The following PRKN variants were observed in gnomAD, a reference collection of about 807,000 sequenced individuals.
PRKN encodes the protein E3 ubiquitin-protein ligase parkin.
PRKN carries 56 observed loss-of-function variants against 59.5 expected under a neutral mutation model. The ratio of observed to expected loss-of-function variants is 0.94; its 90% CI spans 0.76 to 1.18. PRKN has a LOEUF of 1.18. Ranked by LOEUF, PRKN falls within the 50% of genes most tolerant of loss-of-function variation. PRKN has a pLI of 0.00. For missense variants in PRKN, 657 were observed against 596.4 expected, an observed-to-expected ratio of 1.10 and a Z score of -1.06; for synonymous variants, 250 against 222.1, an observed-to-expected ratio of 1.13 and a Z score of -1.12.
Position 162,338,274 on chromosome 6 carries a change from C to T in PRKN, c.172-75509G>A, listed in dbSNP as rs184521364. On this transcript the variant is annotated intron_variant, in intron 2 of 11. Transcript: ENST00000366898. ...CTCCCTCTCCCTCTCCCTCTCCCTACGGTCTCCCTCTCTTTCCACGGTCTC... is the reference window on the plus strand; with the variant it reads ...CTCCCTCTCCCTCTCCCTCTCCCTATGGTCTCCCTCTCTTTCCACGGTCTC... 2.8e-3 allele frequency among the ~76,000 whole-genome samples: 426 copies of T among 151,636 alleles called. 4 individuals carry two copies. Among genetic ancestry groups the T allele is most frequent in the African/African-American group, 9.8e-3 (400 of 40,986 alleles).
rs112143355 is a variant in PRKN at position 162,468,053 on chromosome 6, T to C, written c.8-24580A>G. Among the ~76,000 whole-genome samples, 17 of 152,332 alleles carry C rather than the reference T, an allele frequency of 1.1e-4. 2 individuals are homozygous for C. The highest frequency in any genetic ancestry group is 3.6e-4 in the African/African-American group (15 of 41,584). On this transcript the variant is annotated intron_variant, in intron 1 of 11. Transcript: ENST00000366898. ...ACTCTCTCATCACCTTGTTTACTGC[T>C]ACCGTGGTTCTTATCACCACTTTGT...
chr6:162,261,122 T>C (rs539915548), intron 3 of PRKN, among the ~76,000 whole-genome samples: 2 of 152,182 alleles, frequency 1.3e-5, no homozygotes, highest in East Asian at 1.9e-4. Flanking sequence ...AGAGTAAGGT[T>C]TGTTAGGCAG....
intron 5 of PRKN, among the ~76,000 whole-genome samples, chr6:162,047,198 C>T (rs1037875361): frequency 1.3e-5 from 2 of 152,180 alleles, no homozygotes; most frequent in African/African-American, 4.8e-5. Context: ...TCTCTTCAGC[C>T]AAACACCAGG....
At chr6:162,133,094 C>A (rs186775717) in intron 4 of PRKN, among the ~76,000 whole-genome samples, 1 of 152,132 alleles carries the variant, frequency 6.6e-6, no homozygotes, top group African/African-American at 2.4e-5. Context: ...GATGGGCAGG[C>A]AGATGGTTTG....
chr6:162,691,495 T>C (rs1449868310), intron 1 of PRKN, among the ~76,000 whole-genome samples: 1 of 152,170 alleles, frequency 6.6e-6, no homozygotes, highest in Non-Finnish European at 1.5e-5. Flanking sequence ...TCAATATTTA[T>C]ATGTACCTCC....
At chr6:161,465,147 C>T (rs992785159) in intron 9 of PRKN, among the ~76,000 whole-genome samples, 12 of 152,184 alleles carry the variant, frequency 7.9e-5, no homozygotes, top group African/African-American at 2.2e-4. Context: ...TTCATACCGT[C>T]GAGACTGGCC....
chr6:161,589,056 G>T (rs988125369), intron 7 of PRKN, among the ~76,000 whole-genome samples: 11 of 152,198 alleles, frequency 7.2e-5, no homozygotes, highest in African/African-American at 2.7e-4. Context: ...CTTAAGGAAT[G>T]ACTAGAATGA....
At chr6:161,985,245 T>C (rs1781393532) in intron 5 of PRKN, among the ~76,000 whole-genome samples, 1 of 152,218 alleles carries the variant, frequency 6.6e-6, no homozygotes, top group African/African-American at 2.4e-5. Context: ...CTTTAGAAGC[T>C]AAAGGTTTCA....
At chr6:161,923,404 A>G (rs1272583313) in intron 6 of PRKN, among the ~76,000 whole-genome samples, 3 of 152,030 alleles carry the variant, frequency 2.0e-5, no homozygotes, top group Admixed American at 2.0e-4. Flanking sequence ...AATTGCTTGA[A>G]CCCGGGAGGT....
At chr6:161,693,648 C>T (rs1785897650) in intron 7 of PRKN, among the ~76,000 whole-genome samples, 1 of 152,158 alleles carries the variant, frequency 6.6e-6, no homozygotes, top group Non-Finnish European at 1.5e-5. Context: ...AAATTAACAA[C>T]CACATTATCA....
Position 162,528,104 on chromosome 6 carries a change from T to C in PRKN, c.8-84631A>G, listed in dbSNP as rs1465026710. 2.0e-5 allele frequency among the ~76,000 whole-genome samples: 3 copies of C among 150,780 alleles called. No homozygotes were observed. In the East Asian group the frequency reaches 5.8e-4, roughly 29 times the overall value. On this transcript the variant is annotated intron_variant, in intron 1 of 11. Transcript: ENST00000366898. ...GAGGGGTGCGGGGCGGCGGGTCACC[T>C]GAGGTCAGGACTTCAAGACCAGCCT...
At chr6:162,175,440 A>G (rs924109911) in intron 4 of PRKN, among the ~76,000 whole-genome samples, 2 of 152,246 alleles carry the variant, frequency 1.3e-5, no homozygotes, top group Non-Finnish European at 2.9e-5. Context: ...GCTATAGGAT[A>G]TAAGTATGCA....
Position 161,933,002 on chromosome 6 carries a change from G to A in PRKN, c.734+40300C>T, listed in dbSNP as rs938724625. Among the ~76,000 whole-genome samples, 25 of 152,274 alleles carry A rather than the reference G, an allele frequency of 1.6e-4. No homozygotes were observed. In the East Asian group the frequency reaches 2.1e-3, roughly 13 times the overall value. On this transcript the variant is annotated intron_variant, in intron 6 of 11. Transcript: ENST00000366898. ...ATGTTTTAAATCACTAAAACCAGCCGGGTGTGATGGCTCACGCCTGTAATC... is the reference window on the plus strand; with the variant it reads ...ATGTTTTAAATCACTAAAACCAGCCAGGTGTGATGGCTCACGCCTGTAATC...
intron 4 of PRKN, among the ~76,000 whole-genome samples, chr6:162,098,929 C>T (rs1779855385): frequency 6.6e-6 from 1 of 152,162 alleles, no homozygotes; most frequent in African/African-American, 2.4e-5. Context: ...GTCACTCTGC[C>T]ACCAGGACGA....
intron 1 of PRKN, among the ~76,000 whole-genome samples, chr6:162,549,731 T>C (rs1347273708): frequency 6.6e-6 from 1 of 151,104 alleles, no homozygotes; most frequent in African/African-American, 2.4e-5. Flanking sequence ...CGCTGCCTCC[T>C]GAGTTCAAGT....
At chr6:161,628,114 C>T (rs879902755) in intron 7 of PRKN, among the ~76,000 whole-genome samples, 8 of 151,924 alleles carry the variant, frequency 5.3e-5, no homozygotes, top group Non-Finnish European at 1.2e-4. Context: ...TATTGCTCTC[C>T]TTTTTCTTAT....
At chr6:162,652,092 C>G (rs951721383) in intron 1 of PRKN, among the ~76,000 whole-genome samples, 3 of 152,162 alleles carry the variant, frequency 2.0e-5, no homozygotes, top group Non-Finnish European at 2.9e-5. Flanking sequence ...CAGACTTCTG[C>G]CCACTGGATG....
At chr6:161,673,264 G>A (rs1351507391) in intron 7 of PRKN, among the ~76,000 whole-genome samples, 2 of 152,192 alleles carry the variant, frequency 1.3e-5, no homozygotes, top group African/African-American at 4.8e-5. Context: ...ATGGGGATAA[G>A]TGTGCGGGGT....
chr6:161,934,558 T>C (rs1363712890), intron 6 of PRKN, among the ~76,000 whole-genome samples: 1 of 151,896 alleles, frequency 6.6e-6, no homozygotes, highest in Non-Finnish European at 1.5e-5. Context: ...AGAGCAGAGA[T>C]TCTGTGTCTC....
Sources: allele counts gnomAD v4.1 joint callset (sites outside exome capture counted in the v4.1 genomes callset), GRCh38; gene constraint gnomAD v4.1.1; transcripts MANE v1.5; gene names NCBI Gene and HGNC (gene_info 2026-07-23, HGNC 2026-07-21).